SEPTIN9: variants seen among roughly 807,000 people sequenced by gnomAD.
SEPTIN9 encodes the protein septin 9, also known as septin-9.
A neutral mutation model predicts 56.6 loss-of-function variants in SEPTIN9; 13 were observed. The ratio of observed to expected loss-of-function variants is 0.23; its 90% confidence interval spans 0.15 to 0.37. The LOEUF (loss-of-function observed/expected upper bound fraction) is 0.37, where lower values mean the gene tolerates loss of function less well. Ranked by LOEUF, SEPTIN9 falls within the 10% of genes least tolerant of loss-of-function variation. The pLI, the probability that SEPTIN9 is intolerant of heterozygous loss-of-function variation, is 1.00. For synonymous variants in SEPTIN9, 332 were observed against 334.1 expected (o/e 0.99, Z 0.07); for missense variants, 650 against 823.1 (o/e 0.79, Z 2.57).
chr17:77,296,084 CCTCCCCCCTCA>C (rs1442267746), intron 1 of SEPTIN9, among the ~76,000 whole-genome samples: 1 of 136,710 alleles, frequency 7.3e-6, no homozygotes, highest in Middle Eastern at 3.3e-3. Context: ...AGAGATCTCT[CCTCCCCCCTCA>C]CTTGTAAACA....
At chr17:77,443,774 G>A (rs1023842348) in intron 3 of SEPTIN9, among the ~76,000 whole-genome samples, 2 of 151,846 alleles carry the variant, frequency 1.3e-5, no homozygotes, top group Non-Finnish European at 2.9e-5. Flanking sequence ...CTCCAGCCTG[G>A]GCAACAGAGC....
rs956426906 is a variant in SEPTIN9, at chr17:77,405,772, G to A, written c.721+3069G>A. Among the ~76,000 whole-genome samples the A allele has an allele frequency of 2.0e-5, 3 of 152,102 alleles. No homozygotes were observed. The highest frequency in any genetic ancestry group is 2.9e-5 in the Non-Finnish European group (2 of 68,004). Reference sequence around the variant, plus strand: ...TCTCCGTCCTCCCTCTCTGTGTCACGACCGTTCTGGACACGGATCCAGTTC... The same window carrying A: ...TCTCCGTCCTCCCTCTCTGTGTCACAACCGTTCTGGACACGGATCCAGTTC... On this transcript the variant is annotated intron_variant, in intron 3 of 11. Transcript: ENST00000427177. The surrounding 1 kb of genome is among the most constrained non-coding windows in gnomAD (Gnocchi z 5.8).
At chr17:77,386,896 G>T (rs779660048) in intron 2 of SEPTIN9, among the ~76,000 whole-genome samples, 7 of 152,266 alleles carry the variant, frequency 4.6e-5, no homozygotes, top group Non-Finnish European at 7.3e-5. Flanking sequence ...TCAGCCTTCA[G>T]TGCAGGGCAG....
intron 2 of SEPTIN9, among the ~76,000 whole-genome samples, chr17:77,366,113 G>A (rs1486364363): frequency 6.6e-6 from 1 of 152,180 alleles, no homozygotes; most frequent in Non-Finnish European, 1.5e-5. Flanking sequence ...CCAGCTGTGT[G>A]CTTTAGTCAC....
At chr17:77,356,920 A>G (rs2034273122) in intron 2 of SEPTIN9, among the ~76,000 whole-genome samples, 1 of 150,484 alleles carries the variant, frequency 6.6e-6, no homozygotes, top group African/African-American at 2.4e-5. Context: ...TGGTAGGGGA[A>G]GCTTTGGAAA....
intron 3 of SEPTIN9, among the ~76,000 whole-genome samples, chr17:77,470,330 C>T (rs2038935278): frequency 6.6e-6 from 1 of 151,510 alleles, no homozygotes; most frequent in African/African-American, 2.4e-5. Context: ...ATCTACCCAT[C>T]CTCTCATCTA....
rs1013315807 is a variant in SEPTIN9, at chr17:77,400,163, A to T, written c.77-1896A>T. Reference sequence around the variant, plus strand: ...AGCTAATTTTTTATTTTTAGTAAAGATGGGGTTTCACCACATCAGCCAGGC... The same window carrying T: ...AGCTAATTTTTTATTTTTAGTAAAGTTGGGGTTTCACCACATCAGCCAGGC... On this transcript the variant is annotated intron_variant, in intron 2 of 11. Coordinates refer to ENST00000427177, the MANE Select transcript of SEPTIN9 (RefSeq NM_001113491.2). The surrounding 1 kb of genome is among the most constrained non-coding windows in gnomAD (Gnocchi z 4.1). Among the ~76,000 whole-genome samples the T allele has an allele frequency of 6.6e-6, 1 of 152,114 alleles. No homozygotes were observed. Among genetic ancestry groups the T allele is most frequent in the Non-Finnish European group, 1.5e-5 (1 of 68,034 alleles).
chr17:77,331,333 G>A (rs1195415518), intron 2 of SEPTIN9, among the ~76,000 whole-genome samples: 1 of 152,324 alleles, frequency 6.6e-6, no homozygotes, highest in African/African-American at 2.4e-5. Context: ...GGGGTGATGG[G>A]CACTGGGGCT....
intron 11 of SEPTIN9, among the ~76,000 whole-genome samples, chr17:77,497,952 C>T (rs866382568): frequency 5.0e-4 from 76 of 152,078 alleles, no homozygotes; most frequent in African/African-American, 1.5e-3. Flanking sequence ...GGGGGGATTC[C>T]GGGAGCCGTT....
Position 77,451,489 on chromosome 17 carries a change from T to C in SEPTIN9, c.722-30655T>C. On this transcript the variant is annotated intron_variant, in intron 3 of 11. Coordinates refer to ENST00000427177, the MANE Select transcript of SEPTIN9 (RefSeq NM_001113491.2). This position sits in a 1 kb window ranked among gnomAD's most constrained non-coding sequence, Gnocchi z 4.2. ...TGTGACCCGGTGGGCGGGCCGCGGC[T>C]CTCGGCGCGTCCAGCGCAGCCCGAC... 1 of 985,812 alleles carries C rather than the reference T, an allele frequency of 1.0e-6. No individual in the cohort carries two copies. Among genetic ancestry groups the C allele is most frequent in the South Asian group, 4.7e-5 (1 of 21,298 alleles). The allele number at this position is 985,812 out of a possible 1,614,324, so 61.1% of individuals were successfully genotyped here.
chr17:77,357,900 A>C (rs2034303826), intron 2 of SEPTIN9, among the ~76,000 whole-genome samples: 1 of 152,172 alleles, frequency 6.6e-6, no homozygotes, highest in South Asian at 2.1e-4. Context: ...CTCTGTCATT[A>C]ACACTGTGCG....
At position 77,327,335 on chromosome 17, in the gene SEPTIN9, C is replaced by A. The variant is rs1048633008; in HGVS notation, c.76+20138C>A. On this transcript the variant is annotated intron_variant, in intron 2 of 11. Transcript: ENST00000427177. The surrounding 1 kb of genome is among the most constrained non-coding windows in gnomAD (Gnocchi z 5.0). The stretch of plus-strand genomic sequence containing the variant: ...CCCGTCTCTTGCTCTGGGCACCCCC[C>A]CACTCCGAACGGCCAGAGCTTCTGA... Among the ~76,000 whole-genome samples the A allele has an allele frequency of 6.6e-6, 1 of 152,172 alleles. No homozygotes were observed.
At chr17:77,423,066 C>T (rs909773467) in intron 3 of SEPTIN9, among the ~76,000 whole-genome samples, 62 of 152,058 alleles carry the variant, frequency 4.1e-4, no homozygotes, top group African/African-American at 1.1e-3. Flanking sequence ...CTGTCTTGCT[C>T]GCTCTGTCAT....
chr17:77,339,186 C>T (rs769630030), intron 2 of SEPTIN9, among the ~76,000 whole-genome samples: 14 of 152,200 alleles, frequency 9.2e-5, no homozygotes, highest in Non-Finnish European at 2.1e-4. Context: ...ATTTCAACCT[C>T]TTCTTGTGAA....
Position 77,436,005 on chromosome 17 carries a change from G to C in SEPTIN9, c.721+33302G>C, listed in dbSNP as rs551453800. ...GGAGGACCAAGGGAGAACTGAGCGCGTGTTCTCTTGGCCTCAGCCTCGTGT... is the reference window on the plus strand; with the variant it reads ...GGAGGACCAAGGGAGAACTGAGCGCCTGTTCTCTTGGCCTCAGCCTCGTGT... On this transcript the variant is annotated intron_variant, in intron 3 of 11. Coordinates refer to ENST00000427177, the MANE Select transcript of SEPTIN9 (RefSeq NM_001113491.2). The surrounding 1 kb of genome is among the most constrained non-coding windows in gnomAD (Gnocchi z 4.4). 1.7e-4 allele frequency among the ~76,000 whole-genome samples: 26 copies of C among 152,212 alleles called. No individual in the cohort carries two copies. The highest frequency in any genetic ancestry group is 3.5e-4 in the Non-Finnish European group (24 of 68,032).
chr17:77,401,430 G>A (rs1193174225), intron 2 of SEPTIN9, among the ~76,000 whole-genome samples: 2 of 152,124 alleles, frequency 1.3e-5, no homozygotes, highest in African/African-American at 4.8e-5. Flanking sequence ...GAGGTGAGGA[G>A]GGATAAAAAC....
chr17:77,329,504 G>A lies in SEPTIN9; in HGVS notation c.76+22307G>A, dbSNP rs1159940941. ...ACACTTGGCCGTGGGTGAGGCCAAG[G>A]TGGTTTGGATCCTGGGAAGGTTGGG... On this transcript the variant is annotated intron_variant, in intron 2 of 11. Transcript: ENST00000427177. The surrounding 1 kb of genome is among the most constrained non-coding windows in gnomAD (Gnocchi z 4.3). Among the ~76,000 whole-genome samples the A allele has an allele frequency of 2.0e-5, 3 of 152,096 alleles. No individual in the cohort carries two copies. The highest frequency in any genetic ancestry group is 7.2e-5 in the African/African-American group (3 of 41,410).
At chr17:77,382,290 A>C (rs997665117) in intron 2 of SEPTIN9, among the ~76,000 whole-genome samples, 2 of 152,156 alleles carry the variant, frequency 1.3e-5, no homozygotes, top group African/African-American at 4.8e-5. Flanking sequence ...TGGCTTCCCA[A>C]AGTGCTGGGA....
intron 3 of SEPTIN9, among the ~76,000 whole-genome samples, chr17:77,410,202 A>G (rs1351390665): frequency 1.3e-5 from 2 of 152,064 alleles, no homozygotes; most frequent in Non-Finnish European, 2.9e-5. Flanking sequence ...ATTAAAGTTG[A>G]GGGAGGCATG....
Sources: gnomAD v4.1 joint callset for allele counts (sites outside exome capture counted in the v4.1 genomes callset) on GRCh38, gnomAD v4.1.1 for gene constraint, Gnocchi (gnomAD v3.1) non-coding constraint, MANE v1.5 for transcripts, NCBI Gene and HGNC (gene_info 2026-07-23, HGNC 2026-07-21) for gene names.